The following MRPS27 variants were observed in gnomAD, a reference collection of about 807,000 sequenced individuals.
MRPS27 encodes the protein small ribosomal subunit protein mS27.
Under a neutral mutation model 48.9 loss-of-function variants are expected in MRPS27, and 43 were observed. The observed-to-expected ratio is 0.88, with a 90% confidence interval of 0.69 to 1.13. The LOEUF is 1.13. Among genes scored for constraint, MRPS27 ranks in the 50% most tolerant of loss-of-function variants. The pLI is 0.00. For missense variants in MRPS27, 467 were observed against 476.3 expected, an observed-to-expected ratio of 0.98 and a Z score of 0.18; for synonymous variants, 188 against 171.9, an observed-to-expected ratio of 1.09 and a Z score of -0.73.
intron 4 of MRPS27, among the ~76,000 whole-genome samples, chr5:72,255,720 A>G (rs1053956632): frequency 2.6e-5 from 4 of 152,270 alleles, no homozygotes; most frequent in African/African-American, 9.6e-5. Flanking sequence ...GAAACTGAAC[A>G]TCAAAAGGTT....
chr5:72,229,280 C>G (rs1461692472), intron 7 of MRPS27: 2 of 152,218 alleles, frequency 1.3e-5, no homozygotes. Flanking sequence ...GTTACAACCA[C>G]GGGCAAGTGA....
rs70999273 is a variant in MRPS27 at position 72,255,029 on chromosome 5, C to CTT, written c.282-16903_282-16902dup. On this transcript the variant is annotated intron_variant, in intron 4 of 10. Coordinates refer to ENST00000261413, the MANE Select transcript of MRPS27 (RefSeq NM_015084.3). The stretch of plus-strand genomic sequence containing the variant: ...ATCTAAAATGTAACACATTTCTTTT[C>CTT]TTTTTTTTTTTTTTTTTTTTTTTTT... Among the ~76,000 whole-genome samples the CTT allele has an allele frequency of 1.1e-3, 80 of 72,100 alleles. 1 individual carries two copies. The highest frequency in any genetic ancestry group is 1.7e-3 in the Non-Finnish European group (63 of 36,164). The allele number at this position is 72,100 out of a possible 152,430, so 47.3% of individuals were successfully genotyped here.
intron 4 of MRPS27, among the ~76,000 whole-genome samples, chr5:72,242,770 C>T (rs1748396019): frequency 6.6e-6 from 1 of 151,808 alleles, no homozygotes; most frequent in Non-Finnish European, 1.5e-5. Context: ...AAAATATAGC[C>T]TTTCTTCCAC....
Position 72,223,844 on chromosome 5 carries a change from CATCGAGCTGTGGAGCAGAA to C in MRPS27, c.838-13_843del. 6.2e-7 allele frequency: 1 copy of C among 1,613,496 alleles called. No individual in the cohort carries two copies. The highest frequency in any genetic ancestry group is 1.7e-5 in the Admixed American group (1 of 59,968). On this transcript the variant is annotated splice_acceptor_variant and splice_polypyrimidine_tract_variant and coding_sequence_variant and intron_variant, in exon 10 of 11. Transcript: ENST00000261413. LOFTEE classifies it high-confidence loss of function. ...AGAGCCTTCAGCACTGCACCCAGCACATCGAGCTGTGGAGCAGAAAGAGGGTCAGCAACCAAATGTTTTA... is the reference window on the plus strand; with the variant it reads ...AGAGCCTTCAGCACTGCACCCAGCACAGAGGGTCAGCAACCAAATGTTTTA...
intron 4 of MRPS27, among the ~76,000 whole-genome samples, chr5:72,272,087 C>A (rs1017367176): frequency 2.0e-5 from 3 of 152,158 alleles, no homozygotes; most frequent in Admixed American, 6.5e-5. Context: ...ATTCCCCCCC[C>A]ATCTCCTGCC....
At chr5:72,269,796 A>G (rs1012000642) in intron 4 of MRPS27, among the ~76,000 whole-genome samples, 1 of 152,222 alleles carries the variant, frequency 6.6e-6, no homozygotes, top group African/African-American at 2.4e-5. Context: ...AAAAGCATAC[A>G]TTTACTGGAG....
At chr5:72,310,407 G>C (rs149881465) in intron 2 of MRPS27, among the ~76,000 whole-genome samples, 2,602 of 152,202 alleles carry the variant, frequency 0.017, 47 homozygotes, top group South Asian at 0.021. Flanking sequence ...AAAAAAGAGG[G>C]GGGTGGGGGA....
At chr5:72,292,892 AT>A (rs1379356593) in intron 4 of MRPS27, among the ~76,000 whole-genome samples, 1 of 152,192 alleles carries the variant, frequency 6.6e-6, no homozygotes, top group Non-Finnish European at 1.5e-5. Context: ...TGTGAGTTGT[AT>A]AAAATTAAGA....
intron 4 of MRPS27, among the ~76,000 whole-genome samples, chr5:72,284,787 CTTAA>C (rs1237670693): frequency 6.6e-6 from 1 of 152,088 alleles, no homozygotes; most frequent in African/African-American, 2.4e-5. Flanking sequence ...GTTTTTTTCA[CTTAA>C]TACATTTCAC....
chr5:72,313,872 T>A (rs1333385268), intron 2 of MRPS27, among the ~76,000 whole-genome samples: 1 of 152,192 alleles, frequency 6.6e-6, no homozygotes, highest in Admixed American at 6.5e-5. Flanking sequence ...AGGAGACTAA[T>A]CATGGAGGCA....
chr5:72,225,906 T>C, intron 9 of MRPS27, 151 bp downstream of exon 9: 1 of 721,886 alleles, frequency 1.4e-6, no homozygotes, highest in Non-Finnish European at 2.1e-6. Flanking sequence ...TTGAAAATGT[T>C]TGTGGTTTTG....
intron 8 of MRPS27, chr5:72,227,711 G>T (rs1393240480): frequency 6.6e-6 from 1 of 152,584 alleles, no homozygotes; most frequent in Non-Finnish European, 1.5e-5. Context: ...TAACCTGTCT[G>T]ATTTTCAATG....
intron 5 of MRPS27, among the ~76,000 whole-genome samples, chr5:72,236,923 CTTTT>C (rs111411729): frequency 1.4e-5 from 2 of 139,750 alleles, no homozygotes; most frequent in Admixed American, 7.1e-5. Flanking sequence ...TTCTTTTTTC[CTTTT>C]TTTTTTTTTT....
At chr5:72,223,282 C>T (rs1345719554) in intron 10 of MRPS27, among the ~76,000 whole-genome samples, 2 of 152,172 alleles carry the variant, frequency 1.3e-5, no homozygotes, top group Non-Finnish European at 2.9e-5. Flanking sequence ...TCAAATGTGG[C>T]ATTATAGTGT....
At chr5:72,290,470 C>G (rs994410537) in intron 4 of MRPS27, among the ~76,000 whole-genome samples, 1 of 152,222 alleles carries the variant, frequency 6.6e-6, no homozygotes, top group Non-Finnish European at 1.5e-5. Context: ...TGAGACAGCA[C>G]TGCATTGTTT....
intron 3 of MRPS27, among the ~76,000 whole-genome samples, chr5:72,296,618 T>A (rs1336834339): frequency 2.0e-5 from 3 of 152,208 alleles, no homozygotes; most frequent in African/African-American, 7.2e-5. Context: ...TTACCCATCA[T>A]GTAAGGGACG....
At chr5:72,309,745 T>C (rs1750387968) in intron 2 of MRPS27, among the ~76,000 whole-genome samples, 2 of 152,234 alleles carry the variant, frequency 1.3e-5, no homozygotes, top group Admixed American at 1.3e-4. Flanking sequence ...GAATTCGTCA[T>C]TCCCTTATCT....
At chr5:72,275,668 AG>A (rs1227924698) in intron 4 of MRPS27, among the ~76,000 whole-genome samples, 11 of 152,350 alleles carry the variant, frequency 7.2e-5, no homozygotes, top group Non-Finnish European at 1.3e-4. Context: ...TTCTGCGCAG[AG>A]GGGTGCCTCC....
intron 4 of MRPS27, among the ~76,000 whole-genome samples, chr5:72,272,079 T>TC (rs200527669): frequency 0.011 from 1,682 of 151,616 alleles, 30 homozygotes; most frequent in African/African-American, 0.038. Context: ...ACACTGGGAT[T>TC]CCCCCCCCAT....
Sources: allele counts gnomAD v4.1 joint callset (sites outside exome capture counted in the v4.1 genomes callset), GRCh38; gene constraint gnomAD v4.1.1; transcripts MANE v1.5; gene names NCBI Gene and HGNC (gene_info 2026-07-23, HGNC 2026-07-21).